The following DDX10 variants were observed in gnomAD, a reference collection of about 807,000 sequenced individuals.
DDX10 encodes DEAD-box helicase 10.
DDX10 carries 74 observed loss-of-function variants against 104.3 expected under a neutral mutation model. The observed-to-expected ratio is 0.71, with a 90% confidence interval of 0.59 to 0.86. The LOEUF is 0.86. Ranked by LOEUF, DDX10 falls within the 40% of genes least tolerant of loss-of-function variation. The pLI is 0.00. For missense variants in DDX10, 952 were observed against 1,040.0 expected (o/e 0.92, Z 1.16); for synonymous variants, 351 against 353.4 (o/e 0.99, Z 0.08).
chr11:108,698,823 A>G (rs1230836364), intron 9 of DDX10, among the ~76,000 whole-genome samples: 3 of 152,000 alleles, frequency 2.0e-5, no homozygotes, highest in Non-Finnish European at 4.4e-5. Flanking sequence ...GTTTGCTAGT[A>G]TTCTCCCCTT....
At chr11:108,693,448 A>G in intron 8 of DDX10, 68 bp from the exon 9 acceptor site, 1 of 1,088,498 alleles carries the variant, frequency 9.2e-7, no homozygotes, top group Non-Finnish European at 1.4e-6. Context: ...GCAATATTTT[A>G]AGATAAAAAT....
At chr11:108,806,597 G>A (rs1862104181) in intron 13 of DDX10, among the ~76,000 whole-genome samples, 1 of 152,190 alleles carries the variant, frequency 6.6e-6, no homozygotes, top group African/African-American at 2.4e-5. Flanking sequence ...AGTACAGTGA[G>A]CACTGTGAAG....
At chr11:108,922,041 T>A (rs1176035004) in intron 17 of DDX10, 1 of 149,828 alleles carries the variant, frequency 6.7e-6, no homozygotes, top group Non-Finnish European at 1.5e-5. Flanking sequence ...GTCAAGAGAT[T>A]GAGACCATAC....
At chr11:108,863,009 A>G (rs555299162) in intron 16 of DDX10, among the ~76,000 whole-genome samples, 19 of 152,338 alleles carry the variant, frequency 1.2e-4, no homozygotes, top group Admixed American at 2.6e-4. Flanking sequence ...AGAAGTGACT[A>G]TCTTCCCATG....
At chr11:108,929,530 A>G (rs1863950455) in intron 17 of DDX10, 1 of 152,176 alleles carries the variant, frequency 6.6e-6, no homozygotes, top group Non-Finnish European at 1.5e-5. Flanking sequence ...CATTCTACCC[A>G]TGTGTCTATC....
chr11:108,778,651 A>G (rs2094373452), intron 13 of DDX10, among the ~76,000 whole-genome samples: 1 of 152,254 alleles, frequency 6.6e-6, no homozygotes, highest in Non-Finnish European at 1.5e-5. Context: ...CTTCATGACT[A>G]AAACACCAAA....
intron 13 of DDX10, among the ~76,000 whole-genome samples, chr11:108,774,671 A>G (rs559608939): frequency 7.9e-5 from 12 of 152,170 alleles, no homozygotes; most frequent in Non-Finnish European, 1.6e-4. Context: ...TTTTAACCCT[A>G]TAGTCTTTCT....
intron 16 of DDX10, 83 bp downstream of exon 16, chr11:108,852,292 G>A: frequency 7.4e-6 from 7 of 945,708 alleles, no homozygotes. Context: ...CAAGAACAAT[G>A]CTTATAATGT....
At chr11:108,878,629 T>C (rs1229099313) in intron 16 of DDX10, among the ~76,000 whole-genome samples, 1 of 152,216 alleles carries the variant, frequency 6.6e-6, no homozygotes, top group Non-Finnish European at 1.5e-5. Flanking sequence ...CACTTGGTTC[T>C]TTCTTTTTTT....
At position 108,841,449 on chromosome 11, in the gene DDX10, T is replaced by C. The variant is rs1258123497; in HGVS notation, c.2220T>C (p.Tyr740=). The C allele has an allele frequency of 8.1e-6, 13 of 1,613,698 alleles. No homozygotes were observed. The highest frequency in any genetic ancestry group is 1.1e-5 in the South Asian group (1 of 91,012). The part of the protein sequence containing the change: ...QEEDKFDKEE[Y]RKKIKAKHRE... ...AGGACAAATTTGACAAAGAAGAATA[T>C]AGGAAAAAAATTAAGGCAAAGCATC... Residue 740 remains tyrosine, a synonymous_variant, in exon 15 of 18, where the codon TAT becomes TAC. Transcript: ENST00000322536.
At chr11:108,713,321 T>G (rs893273626) in intron 10 of DDX10, among the ~76,000 whole-genome samples, 5 of 152,172 alleles carry the variant, frequency 3.3e-5, no homozygotes, top group African/African-American at 7.2e-5. Flanking sequence ...GAACATCATG[T>G]GTATGTTCAC....
rs1308795563 is a variant in DDX10, at chr11:108,940,573, C to G, written c.*150C>G. On this transcript the variant is annotated 3_prime_UTR_variant, in exon 18 of 18. Transcript: ENST00000322536. Reference sequence around the variant, plus strand: ...GATAGAAGCGATCGTATCTCCAAGTCCCTCTCACAGGACATGCTTTGTGCC... The same window carrying G: ...GATAGAAGCGATCGTATCTCCAAGTGCCTCTCACAGGACATGCTTTGTGCC... 3.9e-5 allele frequency: 27 copies of G among 698,166 alleles called. No individual in the cohort carries two copies. The East Asian group carries it at 4.4e-4, about 11-fold the overall frequency. The allele number at this position is 698,166 out of a possible 1,614,324, so 43.2% of individuals were successfully genotyped here. A position where few individuals can be genotyped will look rare whatever the true frequency, so the allele number is the denominator to read the frequency against.
intron 6 of DDX10, among the ~76,000 whole-genome samples, chr11:108,685,021 G>A (rs1225099577): frequency 2.1e-4 from 29 of 135,550 alleles, no homozygotes; most frequent in Admixed American, 1.4e-3. Context: ...GTCTGTTCAT[G>A]TCCTTCGCCC....
At chr11:108,782,803 C>T (rs1861724583) in intron 13 of DDX10, among the ~76,000 whole-genome samples, 1 of 151,934 alleles carries the variant, frequency 6.6e-6, no homozygotes, top group Non-Finnish European at 1.5e-5. Flanking sequence ...ACATAGAATC[C>T]AATAAGAAAG....
chr11:108,752,978 A>G (rs2094340497), intron 13 of DDX10, among the ~76,000 whole-genome samples: 1 of 152,108 alleles, frequency 6.6e-6, no homozygotes, highest in African/African-American at 2.4e-5. Flanking sequence ...TGCTAAATAA[A>G]TATTTGCTGA....
At chr11:108,697,884 G>A (rs1375721319) in intron 9 of DDX10, among the ~76,000 whole-genome samples, 1 of 152,104 alleles carries the variant, frequency 6.6e-6, no homozygotes, top group Non-Finnish European at 1.5e-5. Context: ...ATTTGGGGAG[G>A]GTAGGGGAGG....
chr11:108,686,422 G>A (rs373808129), intron 6 of DDX10, among the ~76,000 whole-genome samples: 8 of 152,078 alleles, frequency 5.3e-5, no homozygotes, highest in Non-Finnish European at 1.0e-4. Flanking sequence ...CCTGGCAGCC[G>A]CTGATCTTTT....
intron 13 of DDX10, among the ~76,000 whole-genome samples, chr11:108,743,404 A>G (rs763715032): frequency 6.6e-6 from 1 of 152,102 alleles, no homozygotes; most frequent in Non-Finnish European, 1.5e-5. Context: ...GCTATGAAAA[A>G]CCCACTACTG....
intron 6 of DDX10, among the ~76,000 whole-genome samples, chr11:108,683,103 A>G (rs1184081981): frequency 6.6e-6 from 1 of 152,146 alleles, no homozygotes; most frequent in Non-Finnish European, 1.5e-5. Context: ...ATCTTCACAG[A>G]TGGGGCATAG....
Sources: allele counts gnomAD v4.1 joint callset (sites outside exome capture counted in the v4.1 genomes callset), GRCh38; gene constraint gnomAD v4.1.1; transcripts MANE v1.5; gene names NCBI Gene and HGNC (gene_info 2026-07-23, HGNC 2026-07-21).